The following TEX9 variants were observed in gnomAD, a reference collection of about 807,000 sequenced individuals.
The protein encoded by TEX9 is testis-expressed protein 9.
A neutral mutation model predicts 59.6 loss-of-function variants in TEX9; 74 were observed. That is an observed-to-expected ratio of 1.24 (90% CI 1.03 to 1.51). The LOEUF is 1.51. Ranked by LOEUF, TEX9 falls within the 40% of genes most tolerant of loss-of-function variation. The pLI, the probability that TEX9 is intolerant of heterozygous loss-of-function variation, is 0.00. For synonymous variants in TEX9, 186 were observed against 152.2 expected (o/e 1.22, Z -1.64); for missense variants, 522 against 447.8 (o/e 1.17, Z -1.49).
rs561114043 is a variant in TEX9 at position 56,261,585 on chromosome 15, G to A, written c.-107+17307G>A. Among the ~76,000 whole-genome samples the A allele has an allele frequency of 2.2e-4, 33 of 152,138 alleles. 1 individual carries two copies. The South Asian group carries it at 4.4e-3, about 20-fold the overall frequency. ...ATACAAAAATTAGCCAGGCGCAGTAGCATGTGCCTGTAGTCCCGCTATTCG... is the reference window on the plus strand; with the variant it reads ...ATACAAAAATTAGCCAGGCGCAGTAACATGTGCCTGTAGTCCCGCTATTCG... On this transcript the variant is annotated intron_variant, in intron 1 of 5. Coordinates refer to the TEX9 transcript ENST00000560827.
chr15:56,418,590 G>A (rs2049816216), intron 10 of TEX9, among the ~76,000 whole-genome samples: 1 of 151,412 alleles, frequency 6.6e-6, no homozygotes. Context: ...AGTGGAGCTT[G>A]CAGTGAGCCA....
At chr15:56,340,580 C>T (rs12441707) in intron 1 of TEX9, among the ~76,000 whole-genome samples, 6,692 of 152,162 alleles carry the variant, frequency 0.044, 224 homozygotes, top group Admixed American at 0.087. Flanking sequence ...GGTGTTAAGT[C>T]CAATGTCATG....
intron 4 of TEX9, among the ~76,000 whole-genome samples, chr15:56,387,240 C>T (rs565490399): frequency 2.6e-5 from 4 of 151,844 alleles, no homozygotes; most frequent in African/African-American, 7.2e-5. Flanking sequence ...ACAGATAACC[C>T]TTAAATGTCT....
In TEX9 at chr15:56,394,567, T is replaced by C; in HGVS notation, c.655-94T>C. The C allele has an allele frequency of 3.2e-6, 3 of 933,708 alleles. No individual in the cohort carries two copies. In the South Asian group the frequency reaches 5.0e-5, roughly 16 times the overall value. The allele number at this position is 933,708 out of a possible 1,614,324, so 57.8% of individuals were successfully genotyped here. ...TTGTTTTTCATGAAACGTGTATAAA[T>C]ATCAAAGAACATATGAAACGTCTTT... On this transcript the variant is annotated intron_variant, in intron 8 of 12. Coordinates refer to ENST00000352903, the Ensembl canonical transcript of TEX9.
At chr15:56,345,422 G>A (rs1454300034) in intron 1 of TEX9, among the ~76,000 whole-genome samples, 1 of 152,102 alleles carries the variant, frequency 6.6e-6, no homozygotes, top group African/African-American at 2.4e-5. Flanking sequence ...AGGCTACTGA[G>A]CCTGCATCCC....
the TEX9 span, among the ~76,000 whole-genome samples, chr15:56,454,331 AAG>A: frequency 6.6e-6 from 1 of 151,586 alleles, no homozygotes; most frequent in East Asian, 1.9e-4. Context: ...CCATCCCCTC[AAG>A]CATTTATCAT....
At chr15:56,361,420 GT>G, upstream of TEX9, among the ~76,000 whole-genome samples, 1 of 151,984 alleles carries the variant, frequency 6.6e-6, no homozygotes, top group East Asian at 1.9e-4. Flanking sequence ...AGTTCAAAAT[GT>G]TTTTTTAATT....
intron 3 of TEX9, among the ~76,000 whole-genome samples, chr15:56,381,768 T>G (rs554750710): frequency 1.1e-4 from 16 of 152,344 alleles, no homozygotes; most frequent in Non-Finnish European, 1.9e-4. Context: ...CAAGCACCCC[T>G]GTGCCCAGCA....
intron 1 of TEX9, among the ~76,000 whole-genome samples, chr15:56,305,316 C>T (rs142412952): frequency 9.9e-5 from 15 of 152,014 alleles, no homozygotes; most frequent in Admixed American, 9.8e-4. Context: ...CCCAGAATGG[C>T]CAAGGTCACC....
chr15:56,364,835 C>T (rs2046867083), upstream of TEX9, among the ~76,000 whole-genome samples: 1 of 152,172 alleles, frequency 6.6e-6, no homozygotes. Context: ...CAGGCATGAT[C>T]CTAAGCACGA....
chr15:56,346,112 A>G (rs2046465033), intron 1 of TEX9, among the ~76,000 whole-genome samples: 1 of 152,182 alleles, frequency 6.6e-6, no homozygotes, highest in Admixed American at 6.5e-5. Context: ...GTATTTTGAG[A>G]TCTAACCAAC....
At chr15:56,428,438 T>C in exon 12 of TEX9, 3 of 1,609,998 alleles carry the variant, frequency 1.9e-6, no homozygotes, top group Non-Finnish European at 2.5e-6. Flanking sequence ...AATGGGGAAA[T>C]TCATAAGTGA....
chr15:56,451,921 A>G, the TEX9 span, among the ~76,000 whole-genome samples: 5 of 152,220 alleles, frequency 3.3e-5, no homozygotes, highest in Non-Finnish European at 7.3e-5. Flanking sequence ...CACTATGGAC[A>G]GAGAAAATAC....
At chr15:56,264,939 G>C (rs974457436) in intron 1 of TEX9, among the ~76,000 whole-genome samples, 1 of 152,172 alleles carries the variant, frequency 6.6e-6, no homozygotes, top group Non-Finnish European at 1.5e-5. Flanking sequence ...TATTTGGACT[G>C]TTTGGTTCCA....
intron 1 of TEX9, among the ~76,000 whole-genome samples, chr15:56,317,252 T>C (rs2045797405): frequency 6.6e-6 from 1 of 152,258 alleles, no homozygotes; most frequent in African/African-American, 2.4e-5. Flanking sequence ...CTCTTTATTC[T>C]CAAGTCAAAT....
chr15:56,365,469 T>C (rs138705918), exon 1 of TEX9: 15 of 1,613,746 alleles, frequency 9.3e-6, no homozygotes, highest in Non-Finnish European at 1.3e-5. Context: ...GCGAAGTCTG[T>C]GTCTCACGGT....
At chr15:56,261,327 A>C (rs2044260640) in intron 1 of TEX9, among the ~76,000 whole-genome samples, 1 of 151,938 alleles carries the variant, frequency 6.6e-6, no homozygotes, top group Non-Finnish European at 1.5e-5. Flanking sequence ...CTTTTCTGAT[A>C]TAGGCATGTA....
At chr15:56,395,503 G>A (rs1238399728) in intron 9 of TEX9, 1 of 152,140 alleles carries the variant, frequency 6.6e-6, no homozygotes, top group African/African-American at 2.4e-5. Flanking sequence ...GAATGGAATT[G>A]CTGGGTCATA....
intron 12 of TEX9, among the ~76,000 whole-genome samples, chr15:56,445,285 A>G (rs929306547): frequency 1.3e-5 from 2 of 152,022 alleles, no homozygotes; most frequent in Non-Finnish European, 2.9e-5. Context: ...TCCCATTGTC[A>G]AGAGACAATC....
Sources: gnomAD v4.1 joint callset for allele counts (sites outside exome capture counted in the v4.1 genomes callset) on GRCh38, gnomAD v4.1.1 for gene constraint, MANE v1.5 for transcripts, NCBI Gene and HGNC (gene_info 2026-07-23, HGNC 2026-07-21) for gene names.